Variants in NF1 observed in about 807,000 individuals in gnomAD.
The protein encoded by NF1 is neurofibromin.
In NF1, 122 loss-of-function variants were observed where a neutral mutation model predicts 325.7. The ratio of observed to expected loss-of-function variants is 0.37; its 90% CI spans 0.32 to 0.44. NF1 has a LOEUF of 0.44. Ranked by LOEUF, NF1 falls within the 20% of genes least tolerant of loss-of-function variation. The probability of loss-of-function intolerance (pLI) is 1.00; values close to 1 mark genes in which losing one functional copy is unlikely to be tolerated. For synonymous variants in NF1, 1,091 were observed against 1,186.0 expected (o/e 0.92, Z 1.65); for missense variants, 2,140 against 3,415.4 (o/e 0.63, Z 9.31).
At chr17:31,318,759 A>G in intron 36 of NF1, 1 of 1,614,092 alleles carries the variant, frequency 6.2e-7, no homozygotes, top group Non-Finnish European at 8.5e-7. Flanking sequence ...TAGAAGTTAA[A>G]GCTACGATGT....
chr17:31,327,554 A>G lies in NF1; in HGVS notation c.5324A>G (p.Gln1775Arg). 1 of 1,614,228 alleles carries G rather than the reference A, an allele frequency of 6.2e-7. No individual in the cohort carries two copies. Among genetic ancestry groups the G allele is most frequent in the Non-Finnish European group, 8.5e-7 (1 of 1,180,046 alleles). ...GCAGAGCGAACAAAAGTCCTAGGGC[A>G]ATCAGTCTTTCTAAATGACATTTAT... ...TSAERTKVLG[Q>R]SVFLNDIYYA... The change falls in exon 38 of 58, where the codon CAA (glutamine) becomes CGA (arginine). Residue 1775 changes from glutamine (Q) to arginine (R), a missense_variant. By Grantham distance (43) the Gln-to-Arg change is conservative. Around this residue, in one of 10 missense-constraint regions of NF1, gnomAD observed 147 missense variants for 186.7 expected, o/e 0.79. Coordinates refer to ENST00000358273, the MANE Select transcript of NF1 (RefSeq NM_001042492.3).
intron 7 of NF1, among the ~76,000 whole-genome samples, chr17:31,181,998 T>C (rs986288917): frequency 3.9e-5 from 6 of 152,170 alleles, no homozygotes; most frequent in African/African-American, 1.4e-4. Flanking sequence ...CAAAGTAGTT[T>C]GAAATGAAGG....
chr17:31,245,308 A>G (rs1276654277), intron 29 of NF1, among the ~76,000 whole-genome samples: 2 of 152,194 alleles, frequency 1.3e-5, no homozygotes, highest in Non-Finnish European at 2.9e-5. Flanking sequence ...TGTCTCTTCA[A>G]TTAGCCACAT....
chr17:31,377,549 C>A lies in NF1; in HGVS notation c.*3394C>A. 4.3e-6 allele frequency: 1 copy of A among 233,000 alleles called. No individual in the cohort carries two copies. Among genetic ancestry groups the A allele is most frequent in the East Asian group, 6.1e-5 (1 of 16,468 alleles). 14.4% of individuals were successfully genotyped at this position (233,000 alleles called of 1,614,324 possible). The stretch of plus-strand genomic sequence containing the variant: ...ATACTGCCCAACAGACAAAATCGAT[C>A]ATTGTAGGGGAAAATCATAGAAATC... On this transcript the variant is annotated 3_prime_UTR_variant, in exon 58 of 58. Transcript: ENST00000358273.
rs184127833 is a variant in NF1 at position 31,228,359 on chromosome 17, C to T, written c.2410-666C>T. Among the ~76,000 whole-genome samples, 235 of 152,182 alleles carry T rather than the reference C, an allele frequency of 1.5e-3. 2 individuals carry two copies. The highest frequency in any genetic ancestry group is 3.4e-3 in the Middle Eastern group (1 of 294). On this transcript the variant is annotated intron_variant, in intron 20 of 57. Transcript: ENST00000358273. ...ACAATAGGAAAAAGTTATATTTTTA[C>T]GAAGCAAATGTGTGTACCTAATACC...
intron 51 of NF1, 78 bp from the exon 52 acceptor site, chr17:31,356,382 A>C (rs2070271153): frequency 1.3e-6 from 2 of 1,490,204 alleles, no homozygotes; most frequent in South Asian, 1.1e-5. Flanking sequence ...TTTATGTCCA[A>C]ACATTTTCTT....
intron 12 of NF1, among the ~76,000 whole-genome samples, chr17:31,207,741 A>G (rs1357758558): frequency 6.6e-6 from 1 of 152,162 alleles, no homozygotes; most frequent in Non-Finnish European, 1.5e-5. Flanking sequence ...TTAATAAGAT[A>G]TTTTTAAAAA....
chr17:31,244,727 C>A (rs1417089182), intron 29 of NF1, among the ~76,000 whole-genome samples: 1 of 152,160 alleles, frequency 6.6e-6, no homozygotes, highest in Non-Finnish European at 1.5e-5. Flanking sequence ...ACAGTTTTTC[C>A]TACCCGCTTC....
intron 38 of NF1, among the ~76,000 whole-genome samples, chr17:31,329,074 C>T (rs1272192431): frequency 1.3e-5 from 2 of 152,108 alleles, no homozygotes; most frequent in Non-Finnish European, 2.9e-5. Context: ...GGCGGGAGGA[C>T]AGCTTGAGCT....
chr17:31,192,403 G>A (rs2066361299), intron 8 of NF1, among the ~76,000 whole-genome samples: 1 of 152,160 alleles, frequency 6.6e-6, no homozygotes, highest in South Asian at 2.1e-4. Flanking sequence ...TCAAAGTGGG[G>A]GCTTCCAGGC....
intron 36 of NF1, among the ~76,000 whole-genome samples, chr17:31,306,309 A>G (rs1424520247): frequency 6.6e-6 from 1 of 151,580 alleles, no homozygotes; most frequent in Non-Finnish European, 1.5e-5. Context: ...TTATGCCACA[A>G]TTCCTAAACC....
chr17:31,245,625 A>G (rs1038382773), intron 29 of NF1, among the ~76,000 whole-genome samples: 1 of 152,176 alleles, frequency 6.6e-6, no homozygotes, highest in Non-Finnish European at 1.5e-5. Context: ...GATATCAGAA[A>G]GGATACAGAT....
intron 18 of NF1, 74 bp from the exon 19 acceptor site, chr17:31,227,144 G>A: frequency 1.4e-6 from 2 of 1,468,912 alleles, no homozygotes; most frequent in South Asian, 2.3e-5. Context: ...CCTTTTGGGT[G>A]GAGCTTATCA....
At chr17:31,130,074 G>GTTTTTTTT (rs201697638) in intron 1 of NF1, among the ~76,000 whole-genome samples, 16 of 129,346 alleles carry the variant, frequency 1.2e-4, no homozygotes, top group African/African-American at 2.6e-4. Context: ...TGAAGTCGCT[G>GTTTTTTTT]TTTTTTTTTG....
chr17:31,274,397 A>G (rs1309377020), intron 36 of NF1, among the ~76,000 whole-genome samples: 1 of 152,196 alleles, frequency 6.6e-6, no homozygotes, highest in Non-Finnish European at 1.5e-5. Context: ...TGGTGTTGAC[A>G]TACAAGGAAA....
rs753997885 is a variant in NF1, at chr17:31,258,432, C to T, written c.4262C>T (p.Pro1421Leu). The T allele has an allele frequency of 6.8e-6, 11 of 1,613,636 alleles. No individual in the cohort carries two copies. The highest frequency in any genetic ancestry group is 5.9e-6 in the Non-Finnish European group (7 of 1,179,862). Residue 1421 changes from proline (P) to leucine (L), a missense_variant, in exon 32 of 58, where the codon CCG becomes CTG. Pro to Leu is a moderately conservative substitution (Grantham distance 98). Transcript: ENST00000358273. ...TTTATCAATCCTGCCATTGTCTCACCGTATGAAGCAGGGATTTTAGATAAA... is the reference window on the plus strand; with the variant it reads ...TTTATCAATCCTGCCATTGTCTCACTGTATGAAGCAGGGATTTTAGATAAA... ...LRFINPAIVS[P>L]YEAGILDKKP...
At chr17:31,155,799 A>C (rs766393667) in intron 1 of NF1, among the ~76,000 whole-genome samples, 184 bp from the exon 2 acceptor site, 1 of 152,178 alleles carries the variant, frequency 6.6e-6, no homozygotes, top group Admixed American at 6.5e-5. Context: ...TTGAGATGCA[A>C]ATGTACATAT....
At chr17:31,159,650 A>G (rs1429928413) in intron 3 of NF1, among the ~76,000 whole-genome samples, 1 of 152,228 alleles carries the variant, frequency 6.6e-6, no homozygotes, top group African/African-American at 2.4e-5. Context: ...TTGTTACCAC[A>G]GTGTATTTCA....
chr17:31,373,717 CTG>C (rs1221850719), intron 57 of NF1, among the ~76,000 whole-genome samples: 1 of 152,208 alleles, frequency 6.6e-6, no homozygotes, highest in Non-Finnish European at 1.5e-5. Context: ...TGTACCTTTT[CTG>C]TGTTAGATAT....
Sources: gnomAD v4.1 joint callset for allele counts (sites outside exome capture counted in the v4.1 genomes callset) on GRCh38, gnomAD v4.1.1 for gene constraint, gnomAD v4.1.1 regional missense constraint, MANE v1.5 for transcripts, NCBI Gene and HGNC (gene_info 2026-07-23, HGNC 2026-07-21) for gene names.